ABR: variants seen among roughly 807,000 people sequenced by gnomAD.
ABR encodes ABR activator of RhoGEF and GTPase.
In ABR, 35 loss-of-function variants were observed where a neutral mutation model predicts 107.2. That is an observed-to-expected ratio of 0.33 (90% CI 0.25 to 0.43). ABR has a LOEUF of 0.43. Ranked by LOEUF, ABR falls within the 20% of genes least tolerant of loss-of-function variation. The pLI, the probability that ABR is intolerant of heterozygous loss-of-function variation, is 1.00. For synonymous variants in ABR, 498 were observed against 462.0 expected (o/e 1.08, Z -1.00); for missense variants, 815 against 1,115.2 (o/e 0.73, Z 3.83).
chr17:1,097,864 A>G (rs1217116558), intron 3 of ABR, among the ~76,000 whole-genome samples: 1 of 152,044 alleles, frequency 6.6e-6, no homozygotes, highest in Non-Finnish European at 1.5e-5. Context: ...CGAATGTCTG[A>G]CGGGTTGTCT....
intron 1 of ABR, among the ~76,000 whole-genome samples, chr17:1,156,422 G>T (rs1157444017): frequency 1.3e-5 from 2 of 152,142 alleles, no homozygotes; most frequent in East Asian, 3.8e-4. Context: ...GGTGGCTCAC[G>T]CCTGCAATGC....
At chr17:1,018,520 C>G (rs564043514) in intron 16 of ABR, among the ~76,000 whole-genome samples, 2 of 152,206 alleles carry the variant, frequency 1.3e-5, no homozygotes, top group Admixed American at 1.3e-4. Context: ...CAGCTTCCCA[C>G]GACTGGGTGC....
intron 16 of ABR, chr17:1,031,902 G>GA: frequency 4.9e-6 from 5 of 1,028,476 alleles, no homozygotes; most frequent in Non-Finnish European, 5.9e-6. Context: ...CTCCGTCCGC[G>GA]TCCCTCCTCC....
At chr17:1,215,067 G>T (rs1193061519) in intron 1 of ABR, among the ~76,000 whole-genome samples, 1 of 151,356 alleles carries the variant, frequency 6.6e-6, no homozygotes, top group East Asian at 2.0e-4. Flanking sequence ...AAAACATACA[G>T]AAATTAGGTA....
intron 16 of ABR, among the ~76,000 whole-genome samples, chr17:1,030,048 C>T (rs1251685954): frequency 1.3e-5 from 2 of 152,238 alleles, no homozygotes; most frequent in Non-Finnish European, 2.9e-5. Flanking sequence ...CTGACGCCAA[C>T]TGCTCAGCAG....
Position 1,084,610 on chromosome 17 carries a change from G to A in ABR, c.532-983C>T, listed in dbSNP as rs2036474373. Among the ~76,000 whole-genome samples, 1 of 152,112 alleles carries A rather than the reference G, an allele frequency of 6.6e-6. No individual in the cohort carries two copies. Among genetic ancestry groups the A allele is most frequent in the African/African-American group, 2.4e-5 (1 of 41,410 alleles). On this transcript the variant is annotated intron_variant, in intron 4 of 22. Transcript: ENST00000302538. This position sits in a 1 kb window ranked among gnomAD's most constrained non-coding sequence, Gnocchi z 4.2. ...CCCTTTCTGCAAAAGGGGAAACCGA[G>A]GCTCCATAAGTCAATTCCCCAAATA... is the stretch of plus-strand genomic sequence containing the variant.
chr17:1,192,003 C>T (rs187721869), upstream of ABR, among the ~76,000 whole-genome samples: 27 of 152,290 alleles, frequency 1.8e-4, no homozygotes, highest in South Asian at 6.2e-4. Flanking sequence ...CTGTCTGTCC[C>T]TTGATGTTCT....
chr17:1,066,047 T>C (rs1173866180), intron 10 of ABR, among the ~76,000 whole-genome samples: 1 of 151,972 alleles, frequency 6.6e-6, no homozygotes, highest in Admixed American at 6.6e-5. Flanking sequence ...GCCTGGATAA[T>C]TTTGTATTTT....
At chr17:1,025,183 C>T (rs2072092868) in intron 16 of ABR, among the ~76,000 whole-genome samples, 1 of 149,342 alleles carries the variant, frequency 6.7e-6, no homozygotes. Flanking sequence ...GTAATCCCAG[C>T]TACTCAGGAG....
intron 2 of ABR, among the ~76,000 whole-genome samples, chr17:1,115,663 G>A (rs781383743): frequency 3.9e-5 from 6 of 152,240 alleles, no homozygotes; most frequent in South Asian, 2.1e-4. Context: ...AGTGGCTCAC[G>A]CCTGTAATCC....
rs2035248082 is a variant in ABR at position 1,071,666 on chromosome 17, AGG to A, written c.894+946_894+947del. Among the ~76,000 whole-genome samples, 1 of 152,236 alleles carries A rather than the reference AGG, an allele frequency of 6.6e-6. No homozygotes were observed. The highest frequency in any genetic ancestry group is 1.5e-5 in the Non-Finnish European group (1 of 68,040). ...GCTCCCCGCAAGCCACTGCGTGTGC[AGG>A]CCGAGCTGAAGCAGCTCCAAGCTCC... is the stretch of plus-strand genomic sequence containing the variant. On this transcript the variant is annotated intron_variant, in intron 8 of 22. Transcript: ENST00000302538. This position sits in a 1 kb window ranked among gnomAD's most constrained non-coding sequence, Gnocchi z 5.1.
At chr17:1,068,443 C>T (rs1567694348) in intron 9 of ABR, among the ~76,000 whole-genome samples, 1 of 152,306 alleles carries the variant, frequency 6.6e-6, no homozygotes, top group East Asian at 1.9e-4. Context: ...CTGTGCTGTA[C>T]TTGGGGGCAC....
chr17:1,157,582 GC>G lies in ABR; in HGVS notation c.61+22084del, dbSNP rs2041097853. 6.6e-6 allele frequency among the ~76,000 whole-genome samples: 1 copy of G among 152,194 alleles called. No homozygotes were observed. Among genetic ancestry groups the G allele is most frequent in the Admixed American group, 6.5e-5 (1 of 15,278 alleles). On this transcript the variant is annotated intron_variant, in intron 1 of 22. Transcript: ENST00000302538. This position sits in a 1 kb window ranked among gnomAD's most constrained non-coding sequence, Gnocchi z 4.7. Reference sequence around the variant, plus strand: ...CACACAGTTCTAACATGCCTAGGGGGCTGGTCCCTCAGGCCACAGGCCATGA... The same window carrying G: ...CACACAGTTCTAACATGCCTAGGGGGTGGTCCCTCAGGCCACAGGCCATGA...
chr17:1,159,800 CACTT>C (rs2041216778), intron 1 of ABR, among the ~76,000 whole-genome samples: 1 of 151,956 alleles, frequency 6.6e-6, no homozygotes, highest in East Asian at 2.0e-4. Flanking sequence ...AAGCCAGTGA[CACTT>C]ACGACCATTA....
At chr17:1,042,163 CG>C (rs1277283747) in intron 16 of ABR, among the ~76,000 whole-genome samples, 7 of 145,686 alleles carry the variant, frequency 4.8e-5, no homozygotes, top group Non-Finnish European at 1.1e-4. Flanking sequence ...CAAATGTGCA[CG>C]GATGGACGGA....
intron 14 of ABR, among the ~76,000 whole-genome samples, chr17:1,055,039 CT>C (rs1194398317): frequency 8.5e-5 from 13 of 152,110 alleles, no homozygotes; most frequent in Non-Finnish European, 1.3e-4. Flanking sequence ...AGCTGTCTAA[CT>C]GACTCACAGA....
chr17:1,148,530 AC>A lies in ABR; in HGVS notation c.62-23164del, dbSNP rs539321908. ...CGTGGCCTGTTGGGAACCAGGATGC[AC>A]AGCCGGAGGTGAGTGGTGGGTGAGC... On this transcript the variant is annotated intron_variant, in intron 1 of 22. Coordinates refer to ENST00000302538, the MANE Select transcript of ABR (RefSeq NM_021962.5). This position sits in a 1 kb window ranked among gnomAD's most constrained non-coding sequence, Gnocchi z 4.9. Among the ~76,000 whole-genome samples the A allele has an allele frequency of 1.5e-4, 23 of 152,320 alleles. No homozygotes were observed. Among genetic ancestry groups the A allele is most frequent in the South Asian group, 1.0e-3 (5 of 4,828 alleles).
intron 16 of ABR, 195 bp downstream of exon 16, chr17:1,049,855 G>T: frequency 3.0e-6 from 2 of 675,234 alleles, no homozygotes; most frequent in Non-Finnish European, 4.9e-6. Flanking sequence ...GAGGAGCCAC[G>T]CACACGCCTG....
Position 1,200,201 on chromosome 17 carries a change from C to T in ABR, c.838+28592G>A, listed in dbSNP as rs1475224033. Among the ~76,000 whole-genome samples the T allele has an allele frequency of 2.0e-5, 3 of 151,848 alleles. No individual in the cohort carries two copies. Among genetic ancestry groups the T allele is most frequent in the Non-Finnish European group, 4.4e-5 (3 of 67,986 alleles). On this transcript the variant is annotated intron_variant, in intron 1 of 22. Coordinates refer to the ABR transcript ENST00000574139. This position sits in a 1 kb window ranked among gnomAD's most constrained non-coding sequence, Gnocchi z 4.1. ...TACAAATAATACAGCATAACAACCA[C>T]ATAGCATTTGCAATGTATTAGGTAT...
Sources: allele counts gnomAD v4.1 joint callset (sites outside exome capture counted in the v4.1 genomes callset), GRCh38; gene constraint gnomAD v4.1.1; non-coding constraint Gnocchi (gnomAD v3.1); transcripts MANE v1.5; gene names NCBI Gene and HGNC (gene_info 2026-07-23, HGNC 2026-07-21).